Variants in SLC35F4 observed in about 807,000 individuals in gnomAD.
The protein encoded by SLC35F4 is chromosome 14 open reading frame 36.
In SLC35F4, 24 loss-of-function variants were observed where a neutral mutation model predicts 44.2. The ratio of observed to expected loss-of-function variants is 0.54; its 90% CI spans 0.39 to 0.76. The LOEUF is 0.76. SLC35F4 is among the 30% of genes least tolerant of loss of function. SLC35F4 has a pLI of 0.00. For synonymous variants in SLC35F4, 238 were observed against 223.6 expected (o/e 1.06, Z -0.57); for missense variants, 562 against 586.1 (o/e 0.96, Z 0.42).
intron 4 of SLC35F4, among the ~76,000 whole-genome samples, chr14:57,577,236 A>G (rs137933979): frequency 1.1e-3 from 166 of 152,330 alleles, no homozygotes; most frequent in African/African-American, 3.9e-3. Context: ...TTTGAATTCA[A>G]AGAAGTATAT....
chr14:57,664,595 G>A (rs1250787812), intron 1 of SLC35F4, among the ~76,000 whole-genome samples: 1 of 152,076 alleles, frequency 6.6e-6, no homozygotes, highest in Non-Finnish European at 1.5e-5. Flanking sequence ...ATTTTTAGTA[G>A]AGAAGGAGTC....
At chr14:57,701,199 T>G (rs945940730) in intron 1 of SLC35F4, among the ~76,000 whole-genome samples, 40 of 151,294 alleles carry the variant, frequency 2.6e-4, no homozygotes, top group Admixed American at 1.4e-3. Flanking sequence ...CACACTTTAG[T>G]CTAGACCTAC....
upstream of SLC35F4, among the ~76,000 whole-genome samples, chr14:57,983,005 C>T (rs556503098): frequency 1.8e-4 from 28 of 152,366 alleles, no homozygotes; most frequent in African/African-American, 5.3e-4. Context: ...GCTGTGGCTC[C>T]GCCCCCAGAC....
chr14:57,677,402 A>G (rs1875259676), intron 1 of SLC35F4, among the ~76,000 whole-genome samples: 2 of 129,094 alleles, frequency 1.5e-5, no homozygotes, highest in Admixed American at 1.5e-4. Flanking sequence ...CCCCAAAACT[A>G]TTGAAAAAAA....
At chr14:57,807,113 T>C (rs1881417793) in intron 1 of SLC35F4, among the ~76,000 whole-genome samples, 1 of 152,222 alleles carries the variant, frequency 6.6e-6, no homozygotes, top group Non-Finnish European at 1.5e-5. Context: ...GTAAAAATAG[T>C]AGTTTTTCCA....
intron 1 of SLC35F4, among the ~76,000 whole-genome samples, chr14:57,928,970 G>T (rs187881092): frequency 2.0e-5 from 3 of 152,314 alleles, no homozygotes; most frequent in African/African-American, 7.2e-5. Context: ...TGAACTGGAA[G>T]ATAGAACAAC....
At chr14:57,785,086 G>A (rs943415253) in intron 1 of SLC35F4, among the ~76,000 whole-genome samples, 3 of 152,226 alleles carry the variant, frequency 2.0e-5, no homozygotes, top group Non-Finnish European at 4.4e-5. Flanking sequence ...AAGTTGTGAA[G>A]AAGTCAAAAG....
chr14:57,906,198 A>G lies in SLC35F4; in HGVS notation n.282+75715T>C, dbSNP rs967529636. 5.3e-5 allele frequency among the ~76,000 whole-genome samples: 8 copies of G among 152,366 alleles called. No homozygotes were observed. In the East Asian group the frequency reaches 7.7e-4, roughly 15 times the overall value. ...TGAAAATTCAGAGAGTGCAGAAATAATAAAAACAGAAGGTAGAAGTCCACC... is the reference window on the plus strand; with the variant it reads ...TGAAAATTCAGAGAGTGCAGAAATAGTAAAAACAGAAGGTAGAAGTCCACC... On this transcript the variant is annotated intron_variant and non_coding_transcript_variant, in intron 1 of 1. Transcript: ENST00000556568.
At chr14:57,580,416 G>A in intron 4 of SLC35F4, 1 of 201,202 alleles carries the variant, frequency 5.0e-6, no homozygotes, top group South Asian at 6.9e-5. Flanking sequence ...TTGATACTCT[G>A]AGAAAAGGCA....
At chr14:57,567,716 G>A (rs1328589881) in intron 6 of SLC35F4, among the ~76,000 whole-genome samples, 6 of 152,226 alleles carry the variant, frequency 3.9e-5, no homozygotes, top group Non-Finnish European at 7.4e-5. Context: ...GTCCAACATC[G>A]CAAATTCTGA....
chr14:57,957,353 C>G (rs7143220), intron 1 of SLC35F4, among the ~76,000 whole-genome samples: 3 of 151,722 alleles, frequency 2.0e-5, no homozygotes, highest in African/African-American at 7.3e-5. Flanking sequence ...CAGGTTGATG[C>G]ATGCAGCAAG....
At chr14:57,741,488 C>T (rs577780231) in intron 1 of SLC35F4, among the ~76,000 whole-genome samples, 197 of 152,062 alleles carry the variant, frequency 1.3e-3, no homozygotes, top group African/African-American at 4.5e-3. Context: ...GAAAGGGTAT[C>T]AGTGATGGAA....
At chr14:57,632,244 G>A (rs979573437) in intron 1 of SLC35F4, among the ~76,000 whole-genome samples, 1 of 151,932 alleles carries the variant, frequency 6.6e-6, no homozygotes, top group Non-Finnish European at 1.5e-5. Context: ...GAAAGTTGTG[G>A]GGTTAAATTT....
chr14:57,588,315 T>G (rs558188898), intron 3 of SLC35F4, among the ~76,000 whole-genome samples: 1 of 152,174 alleles, frequency 6.6e-6, no homozygotes, highest in South Asian at 2.1e-4. Context: ...AGTAAGTCCA[T>G]GTGGAGAACT....
intron 1 of SLC35F4, among the ~76,000 whole-genome samples, chr14:57,765,801 T>C (rs181802413): frequency 1.3e-3 from 195 of 152,294 alleles, no homozygotes; most frequent in Non-Finnish European, 2.2e-3. Flanking sequence ...TAAGTATGTG[T>C]CAAAGCATTT....
intron 1 of SLC35F4, among the ~76,000 whole-genome samples, chr14:57,771,966 T>C (rs1450314794): frequency 6.6e-6 from 1 of 152,206 alleles, no homozygotes; most frequent in East Asian, 1.9e-4. Context: ...TATGTTCTCA[T>C]AGGTAATTTC....
chr14:57,911,686 G>A (rs1889218924), intron 1 of SLC35F4, among the ~76,000 whole-genome samples: 1 of 151,902 alleles, frequency 6.6e-6, no homozygotes. Context: ...GATTCAATTT[G>A]CTATTATTTT....
chr14:57,783,553 G>A (rs2077681743), intron 1 of SLC35F4, among the ~76,000 whole-genome samples: 1 of 152,150 alleles, frequency 6.6e-6, no homozygotes, highest in African/African-American at 2.4e-5. Flanking sequence ...GCTAACTCCA[G>A]AAGTTTGAAG....
chr14:57,789,040 A>C (rs1366437526), intron 1 of SLC35F4, among the ~76,000 whole-genome samples: 1 of 152,226 alleles, frequency 6.6e-6, no homozygotes, highest in Non-Finnish European at 1.5e-5. Flanking sequence ...GTAGCACTAA[A>C]TGCCTACATG....
Sources: allele counts gnomAD v4.1 joint callset (sites outside exome capture counted in the v4.1 genomes callset), GRCh38; gene constraint gnomAD v4.1.1; transcripts MANE v1.5; gene names NCBI Gene and HGNC (gene_info 2026-07-23, HGNC 2026-07-21).